The following ACMSD variants were observed in gnomAD, a reference collection of about 807,000 sequenced individuals.
ACMSD encodes 2-amino-3-carboxymuconate-6-semialdehyde decarboxylase.
ACMSD carries 37 observed loss-of-function variants against 45.9 expected under a neutral mutation model. The ratio of observed to expected loss-of-function variants is 0.81; its 90% CI spans 0.62 to 1.06. ACMSD has a LOEUF of 1.06. Among genes scored for constraint, ACMSD ranks in the 50% least tolerant of loss-of-function variants. ACMSD has a pLI of 0.00. For synonymous variants in ACMSD, 138 were observed against 148.8 expected (o/e 0.93, Z 0.53); for missense variants, 434 against 420.9 (o/e 1.03, Z -0.27).
intron 8 of ACMSD, among the ~76,000 whole-genome samples, chr2:134,897,003 A>C (rs1263943526): frequency 2.0e-5 from 3 of 151,538 alleles, no homozygotes; most frequent in African/African-American, 4.8e-5. Flanking sequence ...TGGAGGTGAC[A>C]AAAATCTGTG....
At chr2:134,867,735 G>T in intron 6 of ACMSD, 63 bp downstream of exon 6, 1 of 1,359,480 alleles carries the variant, frequency 7.4e-7, no homozygotes, top group Non-Finnish European at 1.0e-6. Context: ...ATCATCTATG[G>T]AAACCTATTA....
At position 134,847,395 on chromosome 2, in the gene ACMSD, T is replaced by TATAGATAG. The variant is rs751345211; in HGVS notation, c.102+2119_102+2120insTAGATAGA. Among the ~76,000 whole-genome samples the TATAGATAG allele has an allele frequency of 1.7e-3, 249 of 143,240 alleles. 2 individuals are homozygous for TATAGATAG. The highest frequency in any genetic ancestry group is 5.8e-3 in the East Asian group (29 of 4,976). 94.0% of individuals were successfully genotyped at this position (143,240 alleles called of 152,430 possible). On this transcript the variant is annotated intron_variant, in intron 2 of 9. Coordinates refer to ENST00000356140, the MANE Select transcript of ACMSD (RefSeq NM_138326.3). ...GAACCACTAAAGAGTTTTTTGGGGA[T>TATAGATAG]ACAGATAGATAGATAGATAGATAGA...
At chr2:134,898,300 G>T in intron 8 of ACMSD, 41 bp from the exon 9 acceptor site, 1 of 1,366,610 alleles carries the variant, frequency 7.3e-7, no homozygotes, top group Non-Finnish European at 9.9e-7. Flanking sequence ...GCTCTTTCAT[G>T]TTTTACAAAA....
chr2:134,886,231 T>TTATTATTATTA (rs1689431436), intron 8 of ACMSD, among the ~76,000 whole-genome samples: 1 of 146,032 alleles, frequency 6.8e-6, no homozygotes, highest in African/African-American at 2.6e-5. Context: ...TCATTACCCA[T>TTATTATTATTA]TCATTATTAT....
chr2:134,896,982 A>G (rs1168383705), intron 8 of ACMSD, among the ~76,000 whole-genome samples: 1 of 152,168 alleles, frequency 6.6e-6, no homozygotes, highest in Non-Finnish European at 1.5e-5. Flanking sequence ...TAATGGGTAC[A>G]GGGTTTATTT....
At chr2:134,840,222 C>T (rs1194575862) in intron 1 of ACMSD, among the ~76,000 whole-genome samples, 1 of 118,130 alleles carries the variant, frequency 8.5e-6, no homozygotes. Flanking sequence ...CAGCTTTTTT[C>T]TCTATTTGAG....
intron 9 of ACMSD, 47 bp downstream of exon 9, chr2:134,898,486 C>G (rs771901420): frequency 7.2e-7 from 1 of 1,396,470 alleles, no homozygotes; most frequent in South Asian, 1.4e-5. Flanking sequence ...TTTTCCTGCT[C>G]TAATTGGGTT....
intron 2 of ACMSD, among the ~76,000 whole-genome samples, chr2:134,849,418 T>G (rs548595685): frequency 6.6e-6 from 1 of 152,160 alleles, no homozygotes; most frequent in South Asian, 2.1e-4. Flanking sequence ...TTTGAGTCCA[T>G]AGAAAACAAT....
intron 8 of ACMSD, among the ~76,000 whole-genome samples, chr2:134,890,043 A>T (rs79176028): frequency 6.6e-6 from 1 of 152,078 alleles, no homozygotes; most frequent in African/African-American, 2.4e-5. Flanking sequence ...ATTATTACTG[A>T]ATGATAATAC....
intron 8 of ACMSD, chr2:134,873,491 T>C (rs968255184): frequency 2.6e-5 from 4 of 152,352 alleles, no homozygotes; most frequent in Middle Eastern, 3.4e-3. Context: ...GGGTTAAAAG[T>C]ATATAGACAT....
intron 8 of ACMSD, among the ~76,000 whole-genome samples, chr2:134,885,866 C>T (rs182464446): frequency 5.0e-4 from 76 of 152,132 alleles, no homozygotes; most frequent in African/African-American, 1.8e-3. Context: ...AGTATTTTAT[C>T]AGGAAAAGAA....
chr2:134,850,527 C>T (rs1015620410), intron 2 of ACMSD, among the ~76,000 whole-genome samples: 7 of 152,174 alleles, frequency 4.6e-5, no homozygotes, highest in Non-Finnish European at 2.9e-5. Context: ...TTCGTCCCCC[C>T]AGAGTGCTAG....
chr2:134,890,043 AATG>A (rs1401082323), intron 8 of ACMSD, among the ~76,000 whole-genome samples: 5 of 152,078 alleles, frequency 3.3e-5, no homozygotes, highest in African/African-American at 7.2e-5. Context: ...ATTATTACTG[AATG>A]ATAATACCAG....
chr2:134,890,557 C>T (rs937212399), intron 8 of ACMSD, among the ~76,000 whole-genome samples: 16 of 151,848 alleles, frequency 1.1e-4, no homozygotes, highest in East Asian at 3.8e-4. Flanking sequence ...CTATGGATAA[C>T]GAAATAACAC....
In ACMSD at chr2:134,861,968, G is replaced by A. The variant is rs1553511569; in HGVS notation, c.200-1G>A. ...TTGCCCTTCTTTGTGTCCATGTCTA[G>A]GAGTAACAGTGCAAGCCCTTTCCAC... On this transcript the variant is annotated splice_acceptor_variant, in intron 3 of 9. Transcript: ENST00000356140. LOFTEE classifies it high-confidence loss of function. The A allele has an allele frequency of 6.2e-7, 1 of 1,614,100 alleles. No individual in the cohort carries two copies. The highest frequency in any genetic ancestry group is 2.2e-5 in the East Asian group (1 of 44,876).
intron 8 of ACMSD, 74 bp downstream of exon 8, chr2:134,872,715 G>A (rs1005576162): frequency 3.6e-5 from 55 of 1,548,124 alleles, no homozygotes; most frequent in Non-Finnish European, 4.7e-5. Flanking sequence ...TCTCTCCTTT[G>A]GCCTCTCTCC....
At chr2:134,863,992 G>A (rs747943524) in intron 5 of ACMSD, among the ~76,000 whole-genome samples, 61 of 152,224 alleles carry the variant, frequency 4.0e-4, no homozygotes, top group Middle Eastern at 3.4e-3. Context: ...ATTTTGGCCA[G>A]GTGCAGCAGC....
intron 2 of ACMSD, among the ~76,000 whole-genome samples, chr2:134,846,030 A>G (rs1048407539): frequency 6.6e-6 from 1 of 152,200 alleles, no homozygotes; most frequent in Admixed American, 6.5e-5. Flanking sequence ...CTCCCTTTAC[A>G]TCAGGTGCTA....
At chr2:134,901,744 A>C in intron 9 of ACMSD, 54 bp from the exon 10 acceptor site, 1 of 1,388,016 alleles carries the variant, frequency 7.2e-7, no homozygotes, top group Admixed American at 2.0e-5. Flanking sequence ...GTAGTACTTA[A>C]AAGTACTTAA....
Sources: gnomAD v4.1 joint callset for allele counts (sites outside exome capture counted in the v4.1 genomes callset) on GRCh38, gnomAD v4.1.1 for gene constraint, MANE v1.5 for transcripts, NCBI Gene and HGNC (gene_info 2026-07-23, HGNC 2026-07-21) for gene names.